The following PALM2AKAP2 variants were observed in gnomAD, a reference collection of about 807,000 sequenced individuals.
PALM2AKAP2 encodes PALM2-AKAP2 fusion protein.
A neutral mutation model predicts 71.5 loss-of-function variants in PALM2AKAP2; 37 were observed. The ratio of observed to expected loss-of-function variants is 0.52; its 90% CI spans 0.40 to 0.68. PALM2AKAP2 has a LOEUF of 0.68. Among genes scored for constraint, PALM2AKAP2 ranks in the 30% least tolerant of loss-of-function variants. The pLI, the probability that PALM2AKAP2 is intolerant of heterozygous loss-of-function variation, is 0.00. For synonymous variants in PALM2AKAP2, 468 were observed against 478.8 expected, an observed-to-expected ratio of 0.98 and a Z score of 0.29; for missense variants, 1,224 against 1,191.8, an observed-to-expected ratio of 1.03 and a Z score of -0.40.
chr9:109,932,184 G>A (rs563624332), intron 6 of PALM2AKAP2, among the ~76,000 whole-genome samples, 156 bp downstream of exon 6: 1 of 152,386 alleles, frequency 6.6e-6, no homozygotes, highest in East Asian at 1.9e-4. Context: ...ACACAAGGCA[G>A]GCACCGGCCC....
At chr9:109,998,125 T>C (rs1042918813) in intron 6 of PALM2AKAP2, among the ~76,000 whole-genome samples, 1 of 110,264 alleles carries the variant, frequency 9.1e-6, no homozygotes, top group Non-Finnish European at 2.2e-5. Flanking sequence ...CCATTCTTTT[T>C]GTTGTGATCA....
chr9:110,056,152 C>G (rs569035990), intron 1 of PALM2AKAP2, among the ~76,000 whole-genome samples: 1 of 152,228 alleles, frequency 6.6e-6, no homozygotes, highest in Non-Finnish European at 1.5e-5. Flanking sequence ...TCCTCCTGAG[C>G]TCCCACCTGG....
At chr9:110,014,803 AATGTATATATATATATATAT>A (rs1234118749) in intron 6 of PALM2AKAP2, among the ~76,000 whole-genome samples, 1 of 16,018 alleles carries the variant, frequency 6.2e-5, no homozygotes, top group African/African-American at 1.7e-4. Context: ...AAAAAAAAAA[AATGTATATATATATATATAT>A]ATATATATAT....
intron 1 of PALM2AKAP2, among the ~76,000 whole-genome samples, chr9:109,713,307 A>G (rs2031785): frequency 0.92 from 139,252 of 152,176 alleles, 63,867 homozygotes; most frequent in African/African-American, 0.96. Context: ...AAGGAATGGA[A>G]CTGAAAGTGG....
chr9:109,733,356 C>G (rs1182849787), intron 1 of PALM2AKAP2, among the ~76,000 whole-genome samples: 1 of 152,214 alleles, frequency 6.6e-6, no homozygotes, highest in East Asian at 1.9e-4. Context: ...GCTACAGAAT[C>G]TTCAAGAAAT....
At chr9:110,083,063 C>T (rs1282396491) in intron 1 of PALM2AKAP2, among the ~76,000 whole-genome samples, 1 of 152,178 alleles carries the variant, frequency 6.6e-6, no homozygotes, top group African/African-American at 2.4e-5. Flanking sequence ...ATCACTTGAA[C>T]CTGGGAGGCG....
intron 1 of PALM2AKAP2, among the ~76,000 whole-genome samples, chr9:109,817,678 C>T (rs2795058): frequency 0.22 from 33,084 of 152,070 alleles, 4,070 homozygotes; most frequent in South Asian, 0.36. Flanking sequence ...AACCTCACAG[C>T]GGTGACTACT....
chr9:109,875,664 G>T (rs1829705733), intron 2 of PALM2AKAP2, among the ~76,000 whole-genome samples: 2 of 152,286 alleles, frequency 1.3e-5, no homozygotes, highest in Non-Finnish European at 1.5e-5. Flanking sequence ...AGCATCACCT[G>T]GGAGGTCGTT....
intron 1 of PALM2AKAP2, among the ~76,000 whole-genome samples, chr9:109,725,472 A>G (rs1170525484): frequency 6.6e-6 from 1 of 152,224 alleles, no homozygotes; most frequent in African/African-American, 2.4e-5. Context: ...ATGCTTAGCC[A>G]CTACTAGCAC....
intron 1 of PALM2AKAP2, among the ~76,000 whole-genome samples, chr9:109,799,979 G>A (rs1240595985): frequency 6.6e-6 from 1 of 152,180 alleles, no homozygotes; most frequent in Admixed American, 6.5e-5. Context: ...AGAAAGGGGT[G>A]ACTCAGACTA....
At chr9:110,166,899 C>T (rs1162674148) in intron 3 of PALM2AKAP2, among the ~76,000 whole-genome samples, 1 of 152,138 alleles carries the variant, frequency 6.6e-6, no homozygotes, top group East Asian at 1.9e-4. Context: ...CATTTTCATA[C>T]TGCTATGAAG....
chr9:109,703,172 A>G (rs1426867427), intron 1 of PALM2AKAP2, among the ~76,000 whole-genome samples: 1 of 152,214 alleles, frequency 6.6e-6, no homozygotes, highest in Non-Finnish European at 1.5e-5. Context: ...TCAGAAATTC[A>G]AATATACATA....
At chr9:109,762,154 A>G (rs1444245036) in intron 1 of PALM2AKAP2, among the ~76,000 whole-genome samples, 1 of 140,090 alleles carries the variant, frequency 7.1e-6, no homozygotes, top group Non-Finnish European at 1.6e-5. Context: ...CTAGAAGGAC[A>G]GAATTTTTTT....
intron 1 of PALM2AKAP2, among the ~76,000 whole-genome samples, chr9:110,107,659 C>G (rs934183896): frequency 6.6e-6 from 1 of 152,162 alleles, no homozygotes; most frequent in Non-Finnish European, 1.5e-5. Flanking sequence ...TTCCTCCTCC[C>G]GGGTTCAAGC....
chr9:110,156,677 CA>C (rs955697485), intron 3 of PALM2AKAP2, among the ~76,000 whole-genome samples, 180 bp downstream of exon 9: 2 of 150,962 alleles, frequency 1.3e-5, no homozygotes, highest in Non-Finnish European at 3.0e-5. Context: ...TTGCCTGTTT[CA>C]AAAAAAAATT....
intron 1 of PALM2AKAP2, among the ~76,000 whole-genome samples, chr9:109,653,544 A>T (rs1827254460): frequency 6.6e-6 from 1 of 152,190 alleles, no homozygotes; most frequent in Non-Finnish European, 1.5e-5. Context: ...AAAATCAAAG[A>T]CATTAATAAT....
At chr9:110,053,978 G>A (rs962109288) in intron 1 of PALM2AKAP2, among the ~76,000 whole-genome samples, 1 of 152,320 alleles carries the variant, frequency 6.6e-6, no homozygotes, top group East Asian at 1.9e-4. Context: ...GGCCAAATAC[G>A]CAGATATTGT....
At chr9:109,920,435 A>G (rs1373157858) in intron 3 of PALM2AKAP2, among the ~76,000 whole-genome samples, 5 of 150,688 alleles carry the variant, frequency 3.3e-5, no homozygotes, top group African/African-American at 1.2e-4. Flanking sequence ...GCAGTGGTGC[A>G]ATCTGGGCTC....
intron 2 of PALM2AKAP2, among the ~76,000 whole-genome samples, chr9:110,154,385 C>G (rs529454679): frequency 1.3e-5 from 2 of 152,144 alleles, no homozygotes; most frequent in African/African-American, 4.8e-5. Context: ...GTTTCTTAAG[C>G]CTTCAATTAA....
Sources: gnomAD v4.1 joint callset for allele counts (sites outside exome capture counted in the v4.1 genomes callset) on GRCh38, gnomAD v4.1.1 for gene constraint, MANE v1.5 for transcripts, NCBI Gene and HGNC (gene_info 2026-07-23, HGNC 2026-07-21) for gene names.